Variants in LIMK2 observed in about 807,000 individuals in gnomAD.
LIMK2 encodes the protein LIM domain kinase 2.
Under a neutral mutation model 75.7 loss-of-function variants are expected in LIMK2, and 35 were observed. That is an observed-to-expected ratio of 0.46 (90% confidence interval 0.35 to 0.61). The LOEUF is 0.61. Ranked by LOEUF, LIMK2 falls within the 20% of genes least tolerant of loss-of-function variation. The pLI is 0.00. For synonymous variants in LIMK2, 301 were observed against 319.2 expected, an observed-to-expected ratio of 0.94 and a Z score of 0.61; for missense variants, 623 against 831.0, an observed-to-expected ratio of 0.75 and a Z score of 3.08.
chr22:31,238,249 T>C (rs1421196783), intron 2 of LIMK2, among the ~76,000 whole-genome samples: 1 of 152,074 alleles, frequency 6.6e-6, no homozygotes, highest in Non-Finnish European at 1.5e-5. Context: ...GTCACCAGAA[T>C]AGGGTCCTTT....
chr22:31,243,515 G>C (rs964820713), intron 2 of LIMK2, among the ~76,000 whole-genome samples: 2 of 152,148 alleles, frequency 1.3e-5, no homozygotes, highest in African/African-American at 4.8e-5. Context: ...CATTCACTTG[G>C]GGCTGCCGGT....
rs1161264065 is a variant in LIMK2, at chr22:31,265,068, C to A, written c.855-878C>A. Among the ~76,000 whole-genome samples, 2 of 152,066 alleles carry A rather than the reference C, an allele frequency of 1.3e-5. 1 individual carries two copies. The highest frequency in any genetic ancestry group is 4.1e-4 in the South Asian group (2 of 4,824). On this transcript the variant is annotated intron_variant, in intron 7 of 15. Transcript: ENST00000331728. ...AATTATTCGGTTGTGGTGGCACACG[C>A]CTGTAATCCCAGCTACTTGGGAGGC...
At chr22:31,259,330 C>T (rs1457394624) in intron 4 of LIMK2, 100 bp downstream of exon 4, 7 of 704,596 alleles carry the variant, frequency 9.9e-6, no homozygotes, top group African/African-American at 8.6e-5. Flanking sequence ...TTAGGGTAGT[C>T]AGAGCATTGG....
At chr22:31,215,585 A>G (rs1208976687) in intron 1 of LIMK2, among the ~76,000 whole-genome samples, 2 of 152,342 alleles carry the variant, frequency 1.3e-5, no homozygotes, top group African/African-American at 2.4e-5. Flanking sequence ...TGTTCTTTCC[A>G]GTATTCCAGG....
At chr22:31,213,614 A>T (rs1463279480) in intron 1 of LIMK2, among the ~76,000 whole-genome samples, 1 of 151,922 alleles carries the variant, frequency 6.6e-6, no homozygotes. Context: ...CCTAAAACAA[A>T]TTTTTTTAGG....
intron 2 of LIMK2, among the ~76,000 whole-genome samples, chr22:31,226,156 T>C (rs574081887): frequency 1.3e-5 from 2 of 152,006 alleles, no homozygotes; most frequent in African/African-American, 4.8e-5. Flanking sequence ...ATTATGCAGG[T>C]ACTTCAAGAG....
intron 2 of LIMK2, among the ~76,000 whole-genome samples, chr22:31,243,047 G>A (rs1024758987): frequency 3.3e-5 from 5 of 152,086 alleles, no homozygotes; most frequent in African/African-American, 4.8e-5. Context: ...CTCAGCCTCC[G>A]CAGTAGCTGG....
intron 2 of LIMK2, among the ~76,000 whole-genome samples, chr22:31,246,168 G>GACGCACGCAC (rs2048665943): frequency 1.2e-5 from 1 of 84,932 alleles, no homozygotes; most frequent in Non-Finnish European, 3.0e-5. Context: ...GCGAGACTCC[G>GACGCACGCAC]ACACACGCAC....
intron 2 of LIMK2, among the ~76,000 whole-genome samples, chr22:31,233,830 G>A (rs1433869342): frequency 6.6e-6 from 1 of 152,096 alleles, no homozygotes; most frequent in African/African-American, 2.4e-5. Context: ...GCATATCCAA[G>A]CCTATCAGTT....
At chr22:31,264,070 T>G (rs2048867520) in intron 7 of LIMK2, among the ~76,000 whole-genome samples, 1 of 152,212 alleles carries the variant, frequency 6.6e-6, no homozygotes, top group Non-Finnish European at 1.5e-5. Context: ...AGCTGGCATG[T>G]GTTGGAAACA....
intron 3 of LIMK2, 74 bp from the exon 4 acceptor site, chr22:31,259,046 CT>C (rs1377851915): frequency 1.2e-5 from 10 of 834,562 alleles, no homozygotes; most frequent in East Asian, 2.5e-5. Context: ...TCACCCACCC[CT>C]GTCCTCACTC....
intron 3 of LIMK2, chr22:31,258,671 A>AAT: frequency 2.0e-6 from 1 of 497,086 alleles, no homozygotes. Flanking sequence ...GAGGAGACAC[A>AAT]ATATAGTTGG....
At chr22:31,243,613 G>A (rs185847611) in intron 2 of LIMK2, among the ~76,000 whole-genome samples, 8 of 152,282 alleles carry the variant, frequency 5.3e-5, no homozygotes, top group Non-Finnish European at 1.2e-4. Context: ...GTTCAGCTCC[G>A]TGCCAGGTTT....
intron 2 of LIMK2, among the ~76,000 whole-genome samples, chr22:31,238,670 T>C (rs1389041614): frequency 6.6e-6 from 1 of 152,218 alleles, no homozygotes; most frequent in Non-Finnish European, 1.5e-5. Flanking sequence ...TCCTTCCTCG[T>C]TGCTTCTTTA....
At chr22:31,248,305 C>A in intron 2 of LIMK2, 1 of 1,189,336 alleles carries the variant, frequency 8.4e-7, no homozygotes, top group Non-Finnish European at 1.1e-6. Flanking sequence ...GCGGGAGCCC[C>A]TCCTCTTCCT....
chr22:31,226,041 T>TG (rs1445628533), intron 2 of LIMK2, among the ~76,000 whole-genome samples: 8 of 151,780 alleles, frequency 5.3e-5, no homozygotes, highest in African/African-American at 1.9e-4. Flanking sequence ...GGAGGCAGGG[T>TG]GGGGGGATGA....
chr22:31,234,320 T>A (rs1316891212), intron 2 of LIMK2, among the ~76,000 whole-genome samples: 1 of 137,456 alleles, frequency 7.3e-6, no homozygotes. Flanking sequence ...CTGGAAGGAG[T>A]GATCTTAAAA....
intron 2 of LIMK2, among the ~76,000 whole-genome samples, chr22:31,244,679 CAG>C (rs537774289): frequency 2.3e-4 from 35 of 152,320 alleles, no homozygotes; most frequent in Admixed American, 7.8e-4. Flanking sequence ...AAGGCCCAGA[CAG>C]AGAGAGTGAC....
Position 31,212,380 on chromosome 22 carries a change from C to T in LIMK2, c.-29C>T, listed in dbSNP as rs112314122. 5.5e-5 allele frequency: 74 copies of T among 1,337,634 alleles called. No homozygotes were observed. In the South Asian group the frequency reaches 1.7e-3, roughly 30 times the overall value. The allele number at this position is 1,337,634 out of a possible 1,614,324, so 82.9% of individuals were successfully genotyped here. On this transcript the variant is annotated 5_prime_UTR_variant, in exon 1 of 16. Coordinates refer to ENST00000331728, the MANE Select transcript of LIMK2 (RefSeq NM_005569.4). ...GGGGAGCTGCTGTGTCCCCCGCCTC[C>T]TCCTCCCCATTTCCGCGCTCCCGGG... is the stretch of plus-strand genomic sequence containing the variant.
Sources: allele counts gnomAD v4.1 joint callset (sites outside exome capture counted in the v4.1 genomes callset), GRCh38; gene constraint gnomAD v4.1.1; transcripts MANE v1.5; gene names NCBI Gene and HGNC (gene_info 2026-07-23, HGNC 2026-07-21).